The following NSD1 variants were observed in gnomAD, a reference collection of about 807,000 sequenced individuals.
NSD1 encodes histone-lysine N-methyltransferase, H3 lysine-36 specific.
NSD1 carries 26 observed loss-of-function variants against 242.7 expected under a neutral mutation model. The ratio of observed to expected loss-of-function variants is 0.11; its 90% CI spans 0.08 to 0.15. The LOEUF is 0.15. Ranked by LOEUF, NSD1 falls within the 10% of genes least tolerant of loss-of-function variation. The probability of loss-of-function intolerance (pLI) is 1.00; values close to 1 mark genes in which losing one functional copy is unlikely to be tolerated. For missense variants in NSD1, 2,495 were observed against 3,272.8 expected (o/e 0.76, Z 5.80); for synonymous variants, 1,106 against 1,178.1 (o/e 0.94, Z 1.25).
At chr5:177,282,901 G>A (rs191538112) in intron 19 of NSD1, among the ~76,000 whole-genome samples, 17 of 152,240 alleles carry the variant, frequency 1.1e-4, no homozygotes, top group African/African-American at 4.1e-4. Flanking sequence ...TTATTTTACA[G>A]TTGAGAAAAT....
chr5:177,280,539 C>T (rs553229998), intron 17 of NSD1, 26 bp from the exon 18 acceptor site: 31 of 1,614,020 alleles, frequency 1.9e-5, no homozygotes, highest in Admixed American at 8.3e-5. Flanking sequence ...TTGTTTTATG[C>T]GGTGTACTTT....
chr5:177,248,999 G>A (rs538616832), intron 11 of NSD1, among the ~76,000 whole-genome samples: 6 of 152,218 alleles, frequency 3.9e-5, no homozygotes, highest in East Asian at 1.9e-4. Flanking sequence ...TTTAAGCTCC[G>A]TTGGACTTGG....
Position 177,238,115 on chromosome 5 carries a change from G to T in NSD1, c.3922-122G>T. 9.2e-7 allele frequency: 1 copy of T among 1,087,490 alleles called. No homozygotes were observed. 67.4% of individuals were successfully genotyped at this position (1,087,490 alleles called of 1,614,324 possible). On this transcript the variant is annotated intron_variant, in intron 6 of 22. Coordinates refer to ENST00000439151, the MANE Select transcript of NSD1 (RefSeq NM_022455.5). This position sits in a 1 kb window ranked among gnomAD's most constrained non-coding sequence, Gnocchi z 4.6. ...CCCTTAGCATACATAATGTCTTCAAGGTTCATCCACTTTTTGTAGCCTTTG... is the reference window on the plus strand; with the variant it reads ...CCCTTAGCATACATAATGTCTTCAATGTTCATCCACTTTTTGTAGCCTTTG...
At chr5:177,173,568 G>C (rs1238210341) in intron 2 of NSD1, among the ~76,000 whole-genome samples, 1 of 149,544 alleles carries the variant, frequency 6.7e-6, no homozygotes. Context: ...CTGCCTTCTG[G>C]GTTCAAGCAA....
chr5:177,200,275 A>T (rs1762417575), intron 3 of NSD1, among the ~76,000 whole-genome samples: 1 of 151,758 alleles, frequency 6.6e-6, no homozygotes, highest in South Asian at 2.1e-4. Context: ...CGCCTGGCTC[A>T]TTTTTGTATT....
At chr5:177,185,070 C>T (rs1008851406) in intron 2 of NSD1, among the ~76,000 whole-genome samples, 6 of 152,014 alleles carry the variant, frequency 3.9e-5, no homozygotes, top group Non-Finnish European at 2.9e-5. Context: ...CTTAGAGTTG[C>T]GATAATTTCT....
chr5:177,269,525 C>A lies in NSD1; in HGVS notation c.5304-77C>A. Reference sequence around the variant, plus strand: ...GACAGACAGACATTGCTAATCCTTACTTTTATATGAGTAGGTTATTTTCCT... The same window carrying A: ...GACAGACAGACATTGCTAATCCTTAATTTTATATGAGTAGGTTATTTTCCT... On this transcript the variant is annotated intron_variant, in intron 15 of 22. Coordinates refer to ENST00000439151, the MANE Select transcript of NSD1 (RefSeq NM_022455.5). This position sits in a 1 kb window ranked among gnomAD's most constrained non-coding sequence, Gnocchi z 5.1. The A allele has an allele frequency of 1.5e-6, 2 of 1,302,778 alleles. No individual in the cohort carries two copies. The highest frequency in any genetic ancestry group is 2.2e-6 in the Non-Finnish European group (2 of 907,074). The allele number at this position is 1,302,778 out of a possible 1,614,324, so 80.7% of individuals were successfully genotyped here. A position where few individuals can be genotyped will look rare whatever the true frequency, so the allele number is the denominator to read the frequency against.
intron 20 of NSD1, among the ~76,000 whole-genome samples, chr5:177,285,563 C>CA (rs772293606): frequency 0.66 from 54,112 of 81,718 alleles, 18,672 homozygotes; most frequent in Non-Finnish European, 0.75. Flanking sequence ...GATTCCATCT[C>CA]AAAAAAAAAA....
At chr5:177,233,391 T>A (rs1477501175) in intron 5 of NSD1, among the ~76,000 whole-genome samples, 1 of 151,790 alleles carries the variant, frequency 6.6e-6, no homozygotes, top group Admixed American at 6.6e-5. Context: ...TTTTTTTTTT[T>A]AAAGTTTGGC....
chr5:177,168,466 T>C (rs949328751), intron 2 of NSD1, among the ~76,000 whole-genome samples: 2 of 151,168 alleles, frequency 1.3e-5, no homozygotes, highest in African/African-American at 2.4e-5. Context: ...TTTTTTTTTT[T>C]TCTTTTTTCC....
intron 6 of NSD1, among the ~76,000 whole-genome samples, chr5:177,236,268 G>A (rs1765427998): frequency 6.6e-6 from 1 of 152,072 alleles, no homozygotes; most frequent in South Asian, 2.1e-4. Flanking sequence ...AATTTCAAAA[G>A]TAAATATATC....
At chr5:177,173,362 T>C (rs1759887129) in intron 2 of NSD1, among the ~76,000 whole-genome samples, 1 of 151,832 alleles carries the variant, frequency 6.6e-6, no homozygotes, top group African/African-American at 2.4e-5. Flanking sequence ...TATTGGAATG[T>C]TGCCACTAAT....
chr5:177,195,020 GTGT>G (rs1339296905), intron 3 of NSD1, among the ~76,000 whole-genome samples: 1 of 152,002 alleles, frequency 6.6e-6, no homozygotes, highest in Non-Finnish European at 1.5e-5. Context: ...TTAGCCAGGT[GTGT>G]TGGCATGCTC....
intron 2 of NSD1, among the ~76,000 whole-genome samples, chr5:177,140,275 G>T (rs1333094228): frequency 6.6e-6 from 1 of 152,186 alleles, no homozygotes; most frequent in Non-Finnish European, 1.5e-5. Context: ...GACAGGCTAG[G>T]TGCTTTGGAT....
Position 177,160,512 on chromosome 5 carries a change from AG to A in NSD1, c.927+24484del, listed in dbSNP as rs530168729. Among the ~76,000 whole-genome samples the A allele has an allele frequency of 2.9e-3, 441 of 152,052 alleles. 1 individual carries two copies. Among genetic ancestry groups the A allele is most frequent in the Non-Finnish European group, 4.6e-3 (314 of 67,984 alleles). On this transcript the variant is annotated intron_variant, in intron 2 of 22. Transcript: ENST00000439151. The stretch of plus-strand genomic sequence containing the variant: ...GTGACGGGCTTTCACCATGTTGGCC[AG>A]GCTGGTCTCGAACTCCTGACATCAA...
intron 4 of NSD1, among the ~76,000 whole-genome samples, chr5:177,205,737 A>C (rs547358010): frequency 6.6e-6 from 1 of 151,738 alleles, no homozygotes; most frequent in African/African-American, 2.4e-5. Context: ...TCTATGATTT[A>C]ATATTCTCTT....
intron 2 of NSD1, among the ~76,000 whole-genome samples, chr5:177,171,247 C>T (rs896922216): frequency 3.3e-5 from 5 of 151,614 alleles, no homozygotes; most frequent in African/African-American, 7.3e-5. Context: ...GCAGAGATTG[C>T]AGTGAGCCAA....
At chr5:177,232,743 G>T (rs973767611) in intron 5 of NSD1, among the ~76,000 whole-genome samples, 2 of 152,174 alleles carry the variant, frequency 1.3e-5, no homozygotes, top group Non-Finnish European at 2.9e-5. Flanking sequence ...CTGCTTTGTG[G>T]TATAAAGATT....
chr5:177,191,076 CCT>C (rs1491301670), intron 2 of NSD1, among the ~76,000 whole-genome samples: 1 of 150,754 alleles, frequency 6.6e-6, no homozygotes, highest in African/African-American at 2.5e-5. Flanking sequence ...AAGCGATTCT[CCT>C]GTCTCAGCCT....
Sources: allele counts gnomAD v4.1 joint callset (sites outside exome capture counted in the v4.1 genomes callset), GRCh38; gene constraint gnomAD v4.1.1; non-coding constraint Gnocchi (gnomAD v3.1); transcripts MANE v1.5; gene names NCBI Gene and HGNC (gene_info 2026-07-23, HGNC 2026-07-21).